ROBO2: variants seen among roughly 807,000 people sequenced by gnomAD.
The protein encoded by ROBO2 is roundabout homolog 2.
A neutral mutation model predicts 160.8 loss-of-function variants in ROBO2; 53 were observed. That is an observed-to-expected ratio of 0.33 (90% confidence interval 0.26 to 0.41). The LOEUF (loss-of-function observed/expected upper bound fraction) is 0.41. Ranked by LOEUF, ROBO2 falls within the 10% of genes least tolerant of loss-of-function variation. The pLI, the probability that ROBO2 is intolerant of heterozygous loss-of-function variation, is 1.00. For synonymous variants in ROBO2, 664 were observed against 611.7 expected, an observed-to-expected ratio of 1.09 and a Z score of -1.26; for missense variants, 1,577 against 1,722.4, an observed-to-expected ratio of 0.92 and a Z score of 1.49.
At chr3:77,104,247 A>G (rs1355997203) in intron 2 of ROBO2, among the ~76,000 whole-genome samples, 1 of 152,124 alleles carries the variant, frequency 6.6e-6, no homozygotes, top group East Asian at 1.9e-4. Flanking sequence ...CCCTAAGTAA[A>G]TGCTAATCTA....
At chr3:76,128,157 C>T (rs532026533) in intron 2 of ROBO2, among the ~76,000 whole-genome samples, 3,143 of 152,062 alleles carry the variant, frequency 0.021, 102 homozygotes, top group African/African-American at 0.063. Context: ...GCCTCCCAAA[C>T]TGTTGGGATT....
intron 2 of ROBO2, chr3:76,435,471 G>A: frequency 1.4e-6 from 1 of 728,368 alleles, no homozygotes; most frequent in Non-Finnish European, 2.5e-6. Context: ...CACACCGTGG[G>A]ATAAATCTGT....
chr3:76,035,087 A>G (rs915416193), intron 2 of ROBO2, among the ~76,000 whole-genome samples: 1 of 151,996 alleles, frequency 6.6e-6, no homozygotes, highest in Admixed American at 6.5e-5. Context: ...CATGTGTGCT[A>G]ATTTCTAGAC....
At chr3:77,094,443 A>T (rs2070761750) in intron 1 of ROBO2, among the ~76,000 whole-genome samples, 1 of 152,150 alleles carries the variant, frequency 6.6e-6, no homozygotes, top group Non-Finnish European at 1.5e-5. Context: ...GTTGGTAGAC[A>T]TTTGGGTTGT....
chr3:76,361,244 T>C (rs3849476), intron 2 of ROBO2, among the ~76,000 whole-genome samples: 37,812 of 151,892 alleles, frequency 0.25, 8,127 homozygotes, highest in African/African-American at 0.58. Flanking sequence ...CTCAAGCCTC[T>C]GGCTTGAGCA....
chr3:77,354,002 T>C (rs775167309), intron 2 of ROBO2, among the ~76,000 whole-genome samples: 6 of 152,202 alleles, frequency 3.9e-5, no homozygotes, highest in Non-Finnish European at 8.8e-5. Flanking sequence ...TTGTTTTTAC[T>C]GAATTGCACT....
chr3:76,621,598 G>T (rs1381122964), intron 2 of ROBO2, among the ~76,000 whole-genome samples: 1 of 152,114 alleles, frequency 6.6e-6, no homozygotes, highest in African/African-American at 2.4e-5. Flanking sequence ...TCTGAACCCT[G>T]AGTTCCTCAT....
At chr3:77,272,875 C>A (rs11924430) in intron 2 of ROBO2, among the ~76,000 whole-genome samples, 57,258 of 151,754 alleles carry the variant, frequency 0.38, 13,463 homozygotes, top group African/African-American at 0.66. Flanking sequence ...AAATCTCTCT[C>A]TATATATATT....
rs139480637 is a variant in ROBO2 at position 76,748,572 on chromosome 3, A to G, written c.110-349442A>G. ...AAAACATGGAAAAACAACATAATAT[A>G]TTTTGATTAATATAATTATTAATAT... On this transcript the variant is annotated intron_variant, in intron 2 of 26. Transcript: ENST00000487694. Among the ~76,000 whole-genome samples, 515 of 151,786 alleles carry G rather than the reference A, an allele frequency of 3.4e-3. 2 individuals are homozygous for G. The highest frequency in any genetic ancestry group is 0.012 in the African/African-American group (494 of 41,526).
intron 2 of ROBO2, among the ~76,000 whole-genome samples, chr3:76,865,501 C>T (rs530483558): frequency 9.2e-5 from 14 of 152,066 alleles, no homozygotes; most frequent in African/African-American, 3.1e-4. Context: ...TGCTTTACAC[C>T]GTCACTAGTG....
chr3:76,589,916 A>C (rs553211938), intron 2 of ROBO2, among the ~76,000 whole-genome samples: 1 of 152,276 alleles, frequency 6.6e-6, no homozygotes, highest in Non-Finnish European at 1.5e-5. Flanking sequence ...AAATAAATTA[A>C]TTTGACTAAA....
chr3:76,831,217 A>G (rs2067066741), intron 2 of ROBO2, among the ~76,000 whole-genome samples: 1 of 152,182 alleles, frequency 6.6e-6, no homozygotes, highest in African/African-American at 2.4e-5. Flanking sequence ...TGATGGGTCC[A>G]TACGAGTTTT....
intron 4 of ROBO2, among the ~76,000 whole-genome samples, chr3:77,483,744 T>C (rs1342894619): frequency 6.8e-6 from 1 of 147,784 alleles, no homozygotes; most frequent in Non-Finnish European, 1.5e-5. Flanking sequence ...TATATTATAT[T>C]TTATTGATAC....
chr3:77,215,979 A>T lies in ROBO2; in HGVS notation c.388+117639A>T, dbSNP rs1461707340. Among the ~76,000 whole-genome samples the T allele has an allele frequency of 6.6e-5, 10 of 152,156 alleles. No homozygotes were observed. In the East Asian group the frequency reaches 1.7e-3, roughly 26 times the overall value. On this transcript the variant is annotated intron_variant, in intron 2 of 25. Transcript: ENST00000461745. ...GGAGTACCCAGCCGTGTGAGGTGTCAGTCTGCCACTACTGGGGGGTGCCTC... is the reference window on the plus strand; with the variant it reads ...GGAGTACCCAGCCGTGTGAGGTGTCTGTCTGCCACTACTGGGGGGTGCCTC...
At chr3:77,248,537 CT>C (rs2089991407) in intron 2 of ROBO2, among the ~76,000 whole-genome samples, 1 of 152,178 alleles carries the variant, frequency 6.6e-6, no homozygotes, top group South Asian at 2.1e-4. Context: ...GAGCACCCCC[CT>C]GGAGGCTGTC....
At chr3:77,419,526 A>G (rs1050892946) in intron 2 of ROBO2, among the ~76,000 whole-genome samples, 9 of 152,184 alleles carry the variant, frequency 5.9e-5, no homozygotes. Context: ...ATGAAATGAT[A>G]GTGCAATGAC....
exon 26 of ROBO2, chr3:77,646,464 G>A (rs1267710610): frequency 6.2e-6 from 1 of 161,244 alleles, no homozygotes; most frequent in African/African-American, 2.4e-5. Flanking sequence ...ACTTTTAATT[G>A]TGTAACTTTT....
At chr3:76,951,834 C>T (rs770896720) in intron 2 of ROBO2, among the ~76,000 whole-genome samples, 1 of 152,176 alleles carries the variant, frequency 6.6e-6, no homozygotes, top group Non-Finnish European at 1.5e-5. Context: ...AAGCCAACTG[C>T]TATATCTTCA....
At chr3:77,417,632 C>G (rs573037102) in intron 2 of ROBO2, among the ~76,000 whole-genome samples, 8 of 152,194 alleles carry the variant, frequency 5.3e-5, no homozygotes, top group Admixed American at 2.0e-4. Flanking sequence ...CCACTTTAGT[C>G]TATGGATTCA....
Sources: gnomAD v4.1 joint callset for allele counts (sites outside exome capture counted in the v4.1 genomes callset) on GRCh38, gnomAD v4.1.1 for gene constraint, MANE v1.5 for transcripts, NCBI Gene and HGNC (gene_info 2026-07-23, HGNC 2026-07-21) for gene names.